The following LRP2 variants were observed in gnomAD, a reference collection of about 807,000 sequenced individuals.
The protein encoded by LRP2 is LDL receptor related protein 2, also known as low-density lipoprotein receptor-related protein 2.
LRP2 carries 172 observed loss-of-function variants against 531.0 expected under a neutral mutation model. That is an observed-to-expected ratio of 0.32 (90% CI 0.29 to 0.37). The LOEUF (loss-of-function observed/expected upper bound fraction) is 0.37. Among genes scored for constraint, LRP2 ranks in the 10% least tolerant of loss-of-function variants. The pLI, the probability that LRP2 is intolerant of heterozygous loss-of-function variation, is 1.00. For missense variants in LRP2, 5,167 were observed against 5,868.3 expected (o/e 0.88, Z 3.90); for synonymous variants, 1,992 against 2,027.6 (o/e 0.98, Z 0.47).
rs567036775 is a variant in LRP2, at chr2:169,342,076, A to G, written c.79+20245T>C. On this transcript the variant is annotated intron_variant, in intron 1 of 78. Coordinates refer to ENST00000649046, the MANE Select transcript of LRP2 (RefSeq NM_004525.3). ...TGTGACAATCAAAAAATGCTACTAT[A>G]TGTTTCCAAAGGTTCCCTGAGGGAG... Among the ~76,000 whole-genome samples, 8 of 152,198 alleles carry G rather than the reference A, an allele frequency of 5.3e-5. No homozygotes were observed. In the East Asian group the frequency reaches 1.5e-3, roughly 29 times the overall value.
intron 1 of LRP2, among the ~76,000 whole-genome samples, chr2:169,327,566 A>T (rs866051630): frequency 9.3e-6 from 1 of 107,978 alleles, no homozygotes; most frequent in Non-Finnish European, 1.9e-5. Flanking sequence ...CAGCCGCCCC[A>T]TCCGGGAGGT....
At chr2:169,216,155 TA>T in intron 35 of LRP2, 97 bp downstream of exon 35, 1 of 1,290,986 alleles carries the variant, frequency 7.7e-7, no homozygotes, top group Non-Finnish European at 1.1e-6. Context: ...AGTTACCAAG[TA>T]AGATTGTTCA....
At chr2:169,221,449 C>T (rs1333686624) in intron 33 of LRP2, among the ~76,000 whole-genome samples, 1 of 152,108 alleles carries the variant, frequency 6.6e-6, no homozygotes, top group African/African-American at 2.4e-5. Context: ...GTTAACAGGG[C>T]CCTGATACAG....
chr2:169,135,555 C>A (rs182950834), intron 76 of LRP2, among the ~76,000 whole-genome samples: 12 of 152,114 alleles, frequency 7.9e-5, no homozygotes, highest in Non-Finnish European at 1.5e-4. Context: ...TTCAGTGGAA[C>A]CTTCATACCC....
intron 34 of LRP2, among the ~76,000 whole-genome samples, chr2:169,218,728 C>T (rs114786615): frequency 0.018 from 2,801 of 152,140 alleles, 82 homozygotes; most frequent in African/African-American, 0.059. Flanking sequence ...GCAGAAGTGG[C>T]GTGCACTACT....
Position 169,283,056 on chromosome 2 carries a change from C to T in LRP2, c.1043-55G>A. 4 of 1,592,796 alleles carry T rather than the reference C, an allele frequency of 2.5e-6. 1 individual carries two copies. The South Asian group carries it at 4.4e-5, about 18-fold the overall frequency. ...CAAGGTTATCAGCATTTATTAAGCA[C>T]TCTCTGACAAAAATCCTAGATAAGA... On this transcript the variant is annotated intron_variant, in intron 9 of 78. Transcript: ENST00000649046.
In LRP2 at chr2:169,233,508, T is replaced by C. The variant is rs1281842700; in HGVS notation, c.5001A>G (p.Arg1667=). The part of the protein sequence containing the change: ...WTDRATRRVM[R]ANKWHGGNQS... Reference sequence around the variant, plus strand: ...GGTTCCCTCCATGCCACTTGTTGGCTCGCATAACCCGACGAGTAGCACGGT... The same window carrying C: ...GGTTCCCTCCATGCCACTTGTTGGCCCGCATAACCCGACGAGTAGCACGGT... Residue 1667 remains arginine, a synonymous_variant, in exon 30 of 79, where the codon CGA becomes CGG. Transcript: ENST00000649046. 1.9e-6 allele frequency: 3 copies of C among 1,614,004 alleles called. No individual in the cohort carries two copies. The highest frequency in any genetic ancestry group is 1.1e-5 in the South Asian group (1 of 91,080).
intron 1 of LRP2, among the ~76,000 whole-genome samples, chr2:169,343,059 C>T (rs996048886): frequency 6.6e-5 from 10 of 152,216 alleles, no homozygotes; most frequent in African/African-American, 2.4e-4. Flanking sequence ...CCAGAGGACA[C>T]ATCTGACCTC....
intron 67 of LRP2, 76 bp from the exon 68 acceptor site, chr2:169,151,102 G>A (rs781098486): frequency 3.8e-5 from 58 of 1,517,824 alleles, no homozygotes; most frequent in Non-Finnish European, 4.9e-5. Flanking sequence ...TTGAAGATGA[G>A]AGCATTTCGT....
rs144385537 is a variant in LRP2, at chr2:169,197,876, C to T, written c.8579-846G>A. 2.3e-3 allele frequency among the ~76,000 whole-genome samples: 350 copies of T among 152,258 alleles called. 1 individual carries two copies. The highest frequency in any genetic ancestry group is 7.6e-3 in the African/African-American group (316 of 41,544). On this transcript the variant is annotated intron_variant, in intron 45 of 78. Coordinates refer to ENST00000649046, the MANE Select transcript of LRP2 (RefSeq NM_004525.3). ...AATTTGGTGACAAATAATTATGATGCCCTTTGATTTCCTTGGGAGGGGCCA... is the reference window on the plus strand; with the variant it reads ...AATTTGGTGACAAATAATTATGATGTCCTTTGATTTCCTTGGGAGGGGCCA...
intron 13 of LRP2, among the ~76,000 whole-genome samples, chr2:169,276,094 GAT>G (rs1251421984): frequency 1.3e-5 from 2 of 152,174 alleles, no homozygotes; most frequent in East Asian, 3.9e-4. Context: ...AAGACTTGAA[GAT>G]ATTAAAGCTG....
At chr2:169,305,654 T>C (rs574398942) in intron 4 of LRP2, among the ~76,000 whole-genome samples, 1 of 152,324 alleles carries the variant, frequency 6.6e-6, no homozygotes, top group East Asian at 1.9e-4. Context: ...ATTAATGGAA[T>C]ACTGGGATAA....
intron 51 of LRP2, among the ~76,000 whole-genome samples, 192 bp downstream of exon 51, chr2:169,181,975 G>GAA (rs1478533333): frequency 3.3e-5 from 5 of 152,186 alleles, no homozygotes; most frequent in Admixed American, 6.5e-5. Flanking sequence ...AAAGAAAACA[G>GAA]AAGAGCTGAT....
In LRP2 at chr2:169,213,803, C is replaced by T. The variant is rs1167775640; in HGVS notation, c.5894G>A (p.Gly1965Glu). The change falls in exon 36 of 79, where the codon GGA (glycine) becomes GAA (glutamate). Residue 1965 changes from glycine to glutamate, a missense_variant. Physicochemically the swap from Gly to Glu is moderately conservative, Grantham distance 98. Around this residue, in one of 6 missense-constraint regions of LRP2, gnomAD observed 2,811 missense variants for 3,058.0 expected, o/e 0.92. Transcript: ENST00000649046. ...ILVHQLSHPW[G>E]IAVHDSFLYY... ...AAGGAAAGAATCATGGACTGCAATT[C>T]CCCAGGGGTGGGAAAGCTGGTGTAC... 6.2e-7 allele frequency: 1 copy of T among 1,613,622 alleles called. No individual in the cohort carries two copies. Among genetic ancestry groups the T allele is most frequent in the Non-Finnish European group, 8.5e-7 (1 of 1,179,732 alleles).
intron 13 of LRP2, 173 bp from the exon 14 acceptor site, chr2:169,275,411 T>C (rs1301683238): frequency 1.6e-6 from 1 of 610,940 alleles, no homozygotes; most frequent in Non-Finnish European, 2.9e-6. Context: ...CTACATATGA[T>C]AGAAGGATTT....
At chr2:169,328,293 G>C (rs1170483472) in intron 1 of LRP2, among the ~76,000 whole-genome samples, 1 of 126,926 alleles carries the variant, frequency 7.9e-6, no homozygotes, top group African/African-American at 2.8e-5. Flanking sequence ...AGGTGGGGGG[G>C]TCAGCCCCCC....
At chr2:169,273,364 T>C (rs1432885109) in intron 14 of LRP2, among the ~76,000 whole-genome samples, 1 of 152,102 alleles carries the variant, frequency 6.6e-6, no homozygotes, top group Non-Finnish European at 1.5e-5. Context: ...TCCTCCATGA[T>C]TAGAAATAAT....
At chr2:169,254,904 G>A (rs182199085) in intron 19 of LRP2, among the ~76,000 whole-genome samples, 11 of 152,086 alleles carry the variant, frequency 7.2e-5, no homozygotes, top group South Asian at 4.2e-4. Context: ...TGGCAGCGGC[G>A]GGAGGGGGAC....
chr2:169,150,471 A>G (rs1686079306), intron 68 of LRP2, among the ~76,000 whole-genome samples: 1 of 152,204 alleles, frequency 6.6e-6, no homozygotes, highest in Non-Finnish European at 1.5e-5. Flanking sequence ...GTCATTTTAA[A>G]TATTTATATA....
Sources: allele counts gnomAD v4.1 joint callset (sites outside exome capture counted in the v4.1 genomes callset), GRCh38; gene constraint gnomAD v4.1.1; regional missense constraint gnomAD v4.1.1; transcripts MANE v1.5; gene names NCBI Gene and HGNC (gene_info 2026-07-23, HGNC 2026-07-21).